Variants in PPARGC1A observed in about 807,000 individuals in gnomAD.
PPARGC1A encodes peroxisome proliferator-activated receptor gamma coactivator 1-alpha.
In PPARGC1A, 25 loss-of-function variants were observed where a neutral mutation model predicts 88.7. The observed-to-expected ratio is 0.28, with a 90% CI of 0.21 to 0.39. PPARGC1A has a LOEUF of 0.39. Among genes scored for constraint, PPARGC1A ranks in the 10% least tolerant of loss-of-function variants. PPARGC1A has a pLI of 1.00. For missense variants in PPARGC1A, 880 were observed against 968.7 expected (o/e 0.91, Z 1.22); for synonymous variants, 363 against 355.6 (o/e 1.02, Z -0.24).
At chr4:24,188,542 G>T in the PPARGC1A span, among the ~76,000 whole-genome samples, 1 of 152,092 alleles carries the variant, frequency 6.6e-6, no homozygotes, top group East Asian at 1.9e-4. Flanking sequence ...AGGAAGAAAT[G>T]AACTACCTGG....
chr4:24,320,778 G>T, the PPARGC1A span, among the ~76,000 whole-genome samples: 8 of 152,260 alleles, frequency 5.3e-5, no homozygotes, highest in Non-Finnish European at 7.4e-5. Context: ...TTCGATTCAC[G>T]AGAAACATAT....
At chr4:24,058,543 C>G in the PPARGC1A span, among the ~76,000 whole-genome samples, 1 of 152,126 alleles carries the variant, frequency 6.6e-6, no homozygotes. Context: ...GATTTGTGGC[C>G]CCCTCCTCTT....
At chr4:24,286,850 G>A in the PPARGC1A span, among the ~76,000 whole-genome samples, 7 of 152,056 alleles carry the variant, frequency 4.6e-5, no homozygotes, top group African/African-American at 7.3e-5. Flanking sequence ...AGATGCTGGC[G>A]AGGGCTACAG....
the PPARGC1A span, among the ~76,000 whole-genome samples, chr4:23,965,019 G>C: frequency 6.6e-6 from 1 of 152,080 alleles, no homozygotes; most frequent in Non-Finnish European, 1.5e-5. Flanking sequence ...GAAAATAAAG[G>C]CTCACTTCAT....
the PPARGC1A span, among the ~76,000 whole-genome samples, chr4:23,941,674 A>T: frequency 6.6e-6 from 1 of 152,120 alleles, no homozygotes; most frequent in Non-Finnish European, 1.5e-5. Context: ...CTGATGTGAG[A>T]TCGTTCTAGC....
At chr4:24,135,077 A>G in the PPARGC1A span, among the ~76,000 whole-genome samples, 2 of 152,098 alleles carry the variant, frequency 1.3e-5, no homozygotes, top group Non-Finnish European at 2.9e-5. Context: ...TCCAGTGCCA[A>G]CCTTTTCCTC....
the PPARGC1A span, among the ~76,000 whole-genome samples, chr4:24,351,974 T>C: frequency 6.6e-6 from 1 of 152,176 alleles, no homozygotes; most frequent in Non-Finnish European, 1.5e-5. Flanking sequence ...CTATGTTCTT[T>C]GGGTTCTGGG....
the PPARGC1A span, among the ~76,000 whole-genome samples, chr4:23,938,709 G>A: frequency 3.3e-5 from 5 of 152,208 alleles, no homozygotes; most frequent in African/African-American, 1.2e-4. Flanking sequence ...GGATCACATA[G>A]AGAAAACATG....
At chr4:24,277,061 A>C in the PPARGC1A span, among the ~76,000 whole-genome samples, 2 of 152,278 alleles carry the variant, frequency 1.3e-5, no homozygotes, top group African/African-American at 4.8e-5. Flanking sequence ...TTGTGGAAAC[A>C]TACACATGTA....
the PPARGC1A span, among the ~76,000 whole-genome samples, chr4:24,437,975 C>T: frequency 2.6e-5 from 4 of 152,134 alleles, no homozygotes; most frequent in Non-Finnish European, 5.9e-5. Context: ...CTGTGCCCGG[C>T]CTACAGCAGG....
At chr4:24,278,313 G>A in the PPARGC1A span, among the ~76,000 whole-genome samples, 1 of 152,176 alleles carries the variant, frequency 6.6e-6, no homozygotes, top group Non-Finnish European at 1.5e-5. Context: ...GGTGTTATAA[G>A]CACCCCATCT....
chr4:23,906,113 A>G (rs1405554792), upstream of PPARGC1A, among the ~76,000 whole-genome samples: 1 of 152,214 alleles, frequency 6.6e-6, no homozygotes, highest in African/African-American at 2.4e-5. Flanking sequence ...CATTTAAAAG[A>G]GTGCACTGTT....
At chr4:23,843,787 T>C (rs980648439) in intron 2 of PPARGC1A, among the ~76,000 whole-genome samples, 3 of 152,020 alleles carry the variant, frequency 2.0e-5, no homozygotes, top group African/African-American at 7.2e-5. Flanking sequence ...CAGGCATGGT[T>C]TGACATGATC....
chr4:24,289,219 CA>C, the PPARGC1A span, among the ~76,000 whole-genome samples: 338 of 82,700 alleles, frequency 4.1e-3, 1 homozygote, highest in African/African-American at 7.6e-3. Flanking sequence ...GACTCCGTCT[CA>C]AAAAAAAAAA....
chr4:24,294,993 C>T, the PPARGC1A span, among the ~76,000 whole-genome samples: 5 of 152,138 alleles, frequency 3.3e-5, no homozygotes, highest in African/African-American at 9.7e-5. Flanking sequence ...AGTAGGGAGG[C>T]GGTTTCATGG....
the PPARGC1A span, among the ~76,000 whole-genome samples, chr4:24,278,849 A>T: frequency 6.6e-6 from 1 of 152,178 alleles, no homozygotes; most frequent in South Asian, 2.1e-4. Context: ...CAAACCACAC[A>T]GCTGAACCTC....
At chr4:23,939,570 C>A in the PPARGC1A span, among the ~76,000 whole-genome samples, 40 of 152,218 alleles carry the variant, frequency 2.6e-4, no homozygotes, top group African/African-American at 8.9e-4. Context: ...CTGCCTTTGC[C>A]TATGTTTGAA....
chr4:23,824,668 C>T (rs1217400466), intron 5 of PPARGC1A, among the ~76,000 whole-genome samples, 160 bp from the exon 6 acceptor site: 1 of 152,050 alleles, frequency 6.6e-6, no homozygotes, highest in African/African-American at 2.4e-5. Flanking sequence ...GTCCATTATG[C>T]TAAAACAAAT....
chr4:23,971,199 C>A, the PPARGC1A span, among the ~76,000 whole-genome samples: 1 of 152,106 alleles, frequency 6.6e-6, no homozygotes, highest in African/African-American at 2.4e-5. Context: ...ACACTAAATG[C>A]AAGAGTACTT....
Sources: allele counts gnomAD v4.1 joint callset (sites outside exome capture counted in the v4.1 genomes callset), GRCh38; gene constraint gnomAD v4.1.1; transcripts MANE v1.5; gene names NCBI Gene and HGNC (gene_info 2026-07-23, HGNC 2026-07-21).